Variants in ANKRD18A observed in about 807,000 individuals in gnomAD.
The protein encoded by ANKRD18A is ankyrin repeat domain 18A.
In ANKRD18A, 72 loss-of-function variants were observed where a neutral mutation model predicts 110.6. The ratio of observed to expected loss-of-function variants is 0.65; its 90% CI spans 0.54 to 0.79. The LOEUF (loss-of-function observed/expected upper bound fraction) is 0.79. Ranked by LOEUF, ANKRD18A falls within the 30% of genes least tolerant of loss-of-function variation. The pLI is 0.00. For synonymous variants in ANKRD18A, 305 were observed against 410.3 expected (o/e 0.74, Z 3.10); for missense variants, 934 against 1,163.3 (o/e 0.80, Z 2.87).
At chr9:38,571,054 G>A (rs1212939786), downstream of ANKRD18A, 8 of 1,419,494 alleles carry the variant, frequency 5.6e-6, no homozygotes, top group East Asian at 1.8e-4. Flanking sequence ...AACCCTTGAG[G>A]CTGAGCCAGG....
intron 3 of ANKRD18A, among the ~76,000 whole-genome samples, chr9:38,614,393 C>T (rs1182092023): frequency 6.6e-5 from 10 of 152,004 alleles, no homozygotes; most frequent in Admixed American, 2.6e-4. Context: ...AGCAATCCTC[C>T]CACCTCAGCC....
downstream of ANKRD18A, chr9:38,567,376 C>T (rs1206855121): frequency 6.6e-6 from 1 of 152,176 alleles, no homozygotes; most frequent in Non-Finnish European, 1.5e-5. Context: ...AGTGCACAAT[C>T]GAGTATCTAG....
Position 38,620,330 on chromosome 9 carries a change from C to T in ANKRD18A, c.-45G>A. ...CCCACCACCCGCTCCTGAGCCGCGG[C>T]GGCTCCTCGTGGCCTTTCCACCCCC... On this transcript the variant is annotated 5_prime_UTR_variant, in exon 1 of 16. Coordinates refer to ENST00000399703, the MANE Select transcript of ANKRD18A (RefSeq NM_147195.4). 1 of 1,528,676 alleles carries T rather than the reference C, an allele frequency of 6.5e-7. No homozygotes were observed. The highest frequency in any genetic ancestry group is 1.9e-4 in the Middle Eastern group (1 of 5,210). The allele number at this position is 1,528,676 out of a possible 1,614,324, so 94.7% of individuals were successfully genotyped here. A position where few individuals can be genotyped will look rare whatever the true frequency, so the allele number is the denominator to read the frequency against.
intron 5 of ANKRD18A, among the ~76,000 whole-genome samples, chr9:38,609,376 T>G (rs1008224733): frequency 3.3e-5 from 5 of 151,844 alleles, no homozygotes; most frequent in African/African-American, 1.2e-4. Context: ...AGTTACTTGG[T>G]AGGCTGAGGC....
Position 38,593,747 on chromosome 9 carries a change from A to C in ANKRD18A, c.2004+13T>G. The C allele has an allele frequency of 6.6e-7, 1 of 1,521,732 alleles. No individual in the cohort carries two copies. The allele number at this position is 1,521,732 out of a possible 1,614,324, so 94.3% of individuals were successfully genotyped here. A position where few individuals can be genotyped will look rare whatever the true frequency, so the allele number is the denominator to read the frequency against. On this transcript the variant is annotated intron_variant, in intron 10 of 15. Transcript: ENST00000399703. ...TACAGATTAACTGTCTACATGTTAA[A>C]TTCCATACATACTTGAATTTCTACT...
chr9:38,581,745 T>A (rs1472937573), intron 12 of ANKRD18A, among the ~76,000 whole-genome samples: 1 of 152,222 alleles, frequency 6.6e-6, no homozygotes. Context: ...TGCTTCTCTA[T>A]AGCACACAAC....
At position 38,595,545 on chromosome 9, in the gene ANKRD18A, C is replaced by A. The variant is rs1439590275; in HGVS notation, c.1795G>T (p.Glu599Ter). ...LEERNKELMK[E>*]YNYLKEKLLQ... The stretch of plus-strand genomic sequence containing the variant: ...AGTTTTTCTTTTAAATAATTATATT[C>A]TTTCATTAATTCCTTATTTCTTTCT... The change falls in exon 9 of 16, where the codon GAA becomes TAA. Residue 599 changes from glutamate to a stop codon, truncating the protein, a stop_gained. Transcript: ENST00000399703. LOFTEE classifies it high-confidence loss of function. 2.6e-6 allele frequency: 4 copies of A among 1,526,922 alleles called. No individual in the cohort carries two copies. The highest frequency in any genetic ancestry group is 3.5e-6 in the Non-Finnish European group (4 of 1,137,684). 94.6% of individuals were successfully genotyped at this position (1,526,922 alleles called of 1,614,324 possible).
At chr9:38,599,663 C>T (rs1825039466) in intron 8 of ANKRD18A, among the ~76,000 whole-genome samples, 1 of 152,038 alleles carries the variant, frequency 6.6e-6, no homozygotes, top group Non-Finnish European at 1.5e-5. Flanking sequence ...GGGGTTTCTC[C>T]ATGTTGGTCA....
At position 38,610,377 on chromosome 9, in the gene ANKRD18A, C is replaced by G. The variant is rs1825557449; in HGVS notation, c.636G>C (p.Leu212Phe). ...GAAGCAGGAGGGTGACGATACTTGA[C>G]AAGTTATGCTGTACTGCAAGTATGA... ...TALILAVQHNLSSIVTLLLQQ... is the reference protein window; with the variant it reads ...TALILAVQHNFSSIVTLLLQQ... The change falls in exon 5 of 16, where the codon TTG (leucine) becomes TTC (phenylalanine). Residue 212 changes from leucine (L) to phenylalanine (F), a missense_variant. By Grantham distance (22) the Leu-to-Phe change is conservative. This residue lies in a region of ANKRD18A where 630 missense variants were observed against 797.5 expected (regional missense o/e 0.79). Transcript: ENST00000399703. 1.9e-6 allele frequency: 3 copies of G among 1,550,194 alleles called. No individual in the cohort carries two copies. The highest frequency in any genetic ancestry group is 1.4e-5 in the African/African-American group (1 of 72,952).
intron 15 of ANKRD18A, 74 bp from the exon 16 acceptor site, chr9:38,572,133 G>A (rs1172361454): frequency 1.7e-6 from 2 of 1,183,720 alleles, no homozygotes; most frequent in Non-Finnish European, 2.4e-6. Context: ...TTAAAATGTG[G>A]AGTTGAGAAC....
intron 15 of ANKRD18A, among the ~76,000 whole-genome samples, chr9:38,574,497 A>G (rs1823792726): frequency 6.6e-6 from 1 of 152,138 alleles, no homozygotes; most frequent in Non-Finnish European, 1.5e-5. Context: ...TTGTAGTTTT[A>G]GTAGAGACGG....
intron 5 of ANKRD18A, among the ~76,000 whole-genome samples, chr9:38,607,728 T>G (rs957816792): frequency 6.6e-6 from 1 of 152,236 alleles, no homozygotes; most frequent in Non-Finnish European, 1.5e-5. Flanking sequence ...TTAATTCTAG[T>G]TAGCTTAACA....
chr9:38,615,776 G>A lies in ANKRD18A; in HGVS notation c.322-9C>T, dbSNP rs1302683439. The A allele has an allele frequency of 1.9e-6, 3 of 1,607,306 alleles. No individual in the cohort carries two copies. Among genetic ancestry groups the A allele is most frequent in the African/African-American group, 2.7e-5 (2 of 74,538 alleles). On this transcript the variant is annotated splice_polypyrimidine_tract_variant and intron_variant, in intron 2 of 15. Coordinates refer to ENST00000399703, the MANE Select transcript of ANKRD18A (RefSeq NM_147195.4). ...TCCTGGCTGTGTACAGCCTATTAGT[G>A]TTAGATAAAAAACTAGACTATAAAT...
downstream of ANKRD18A, among the ~76,000 whole-genome samples, chr9:38,569,982 G>T (rs1206728252): frequency 6.6e-6 from 1 of 152,120 alleles, no homozygotes; most frequent in Non-Finnish European, 1.5e-5. Context: ...CACCCTCCAG[G>T]GTGCCCTGAC....
chr9:38,603,058 T>A (rs1485080355), intron 7 of ANKRD18A, 101 bp downstream of exon 7: 7 of 1,467,482 alleles, frequency 4.8e-6, no homozygotes, highest in Non-Finnish European at 6.4e-6. Context: ...ATGTACTCCA[T>A]GGATTTGTGA....
At chr9:38,617,832 A>G (rs1361754049) in intron 1 of ANKRD18A, among the ~76,000 whole-genome samples, 3 of 152,218 alleles carry the variant, frequency 2.0e-5, no homozygotes, top group African/African-American at 7.2e-5. Flanking sequence ...TGTTTGATGA[A>G]TAAATGGATT....
intron 10 of ANKRD18A, among the ~76,000 whole-genome samples, chr9:38,592,261 C>T (rs1824683755): frequency 7.1e-6 from 1 of 140,320 alleles, no homozygotes; most frequent in Non-Finnish European, 1.5e-5. Flanking sequence ...CCAAGCTAAA[C>T]TATTTTCAAT....
At chr9:38,608,214 AG>A (rs1464497404) in intron 5 of ANKRD18A, among the ~76,000 whole-genome samples, 2 of 152,162 alleles carry the variant, frequency 1.3e-5, no homozygotes, top group African/African-American at 4.8e-5. Flanking sequence ...AATCACACCA[AG>A]GGCAGAAAAC....
chr9:38,568,834 A>T, downstream of ANKRD18A: 1 of 985,350 alleles, frequency 1.0e-6, no homozygotes, highest in African/African-American at 1.7e-5. Context: ...AGGGCCCAGG[A>T]TGAGGCCCAA....
Sources: gnomAD v4.1 joint callset for allele counts (sites outside exome capture counted in the v4.1 genomes callset) on GRCh38, gnomAD v4.1.1 for gene constraint, gnomAD v4.1.1 regional missense constraint, MANE v1.5 for transcripts, NCBI Gene and HGNC (gene_info 2026-07-23, HGNC 2026-07-21) for gene names.